Variants in SLC38A6 observed in about 807,000 individuals in gnomAD.
SLC38A6 encodes N system amino acid transporter NAT-1.
Under a neutral mutation model 65.0 loss-of-function variants are expected in SLC38A6, and 73 were observed. The ratio of observed to expected loss-of-function variants is 1.12; its 90% CI spans 0.93 to 1.37. The LOEUF is 1.37. Among genes scored for constraint, SLC38A6 ranks in the 40% most tolerant of loss-of-function variants. SLC38A6 has a pLI of 0.00. For missense variants in SLC38A6, 561 were observed against 531.1 expected, an observed-to-expected ratio of 1.06 and a Z score of -0.55; for synonymous variants, 183 against 178.8, an observed-to-expected ratio of 1.02 and a Z score of -0.19.
At chr14:61,071,402 C>T (rs2043219676) in intron 15 of SLC38A6, among the ~76,000 whole-genome samples, 1 of 152,042 alleles carries the variant, frequency 6.6e-6, no homozygotes, top group African/African-American at 2.4e-5. Context: ...ATTTTATTGG[C>T]TGGGCACAGT....
intron 3 of SLC38A6, among the ~76,000 whole-genome samples, chr14:61,012,013 T>C (rs1186583371): frequency 2.6e-5 from 4 of 152,234 alleles, no homozygotes; most frequent in Non-Finnish European, 5.9e-5. Flanking sequence ...CATCTGGTCC[T>C]GGACTTTTTT....
chr14:61,026,138 G>C (rs1033759425), intron 5 of SLC38A6, among the ~76,000 whole-genome samples: 6 of 152,046 alleles, frequency 3.9e-5, no homozygotes, highest in African/African-American at 1.2e-4. Flanking sequence ...ACTCCAATTA[G>C]GGTTGGTTTG....
At chr14:61,012,542 C>T (rs1214529560) in intron 3 of SLC38A6, among the ~76,000 whole-genome samples, 1 of 152,218 alleles carries the variant, frequency 6.6e-6, no homozygotes, top group East Asian at 1.9e-4. Flanking sequence ...GTTCCCTCTA[C>T]ACACTGCTTT....
chr14:60,994,600 A>T (rs2038139883), intron 3 of SLC38A6, among the ~76,000 whole-genome samples: 1 of 151,844 alleles, frequency 6.6e-6, no homozygotes, highest in Non-Finnish European at 1.5e-5. Context: ...GCTAGTTGGG[A>T]GGCTGAAGCA....
chr14:61,051,687 A>G (rs865880083), intron 13 of SLC38A6, 100 bp from the exon 14 acceptor site: 2 of 1,334,192 alleles, frequency 1.5e-6, no homozygotes, highest in Non-Finnish European at 2.1e-6. Context: ...TAAATGATGT[A>G]GGAGGCAAAA....
At chr14:60,990,655 T>C (rs975018202) in intron 3 of SLC38A6, among the ~76,000 whole-genome samples, 1 of 151,964 alleles carries the variant, frequency 6.6e-6, no homozygotes, top group Non-Finnish European at 1.5e-5. Flanking sequence ...TTTTTCGAGA[T>C]AGTGTCTTGC....
chr14:61,074,196 G>A (rs989246591), intron 15 of SLC38A6, among the ~76,000 whole-genome samples: 1 of 152,128 alleles, frequency 6.6e-6, no homozygotes, highest in African/African-American at 2.4e-5. Flanking sequence ...AAGGTCAACT[G>A]TAAATACATT....
chr14:61,008,024 T>C (rs1360547356), intron 3 of SLC38A6, among the ~76,000 whole-genome samples: 1 of 152,166 alleles, frequency 6.6e-6, no homozygotes, highest in Non-Finnish European at 1.5e-5. Context: ...GTTTTGTAAC[T>C]TAATTTTATG....
chr14:61,006,064 A>G (rs1030106622), intron 3 of SLC38A6, among the ~76,000 whole-genome samples: 6 of 152,198 alleles, frequency 3.9e-5, no homozygotes, highest in African/African-American at 1.2e-4. Flanking sequence ...CCTGAGAAAA[A>G]CAAGCAATGG....
In SLC38A6 at chr14:61,007,988, A is replaced by G. The variant is rs146596478; in HGVS notation, c.311-7916A>G. On this transcript the variant is annotated intron_variant, in intron 3 of 15. Coordinates refer to ENST00000267488, the MANE Select transcript of SLC38A6 (RefSeq NM_153811.3). The stretch of plus-strand genomic sequence containing the variant: ...AAAAAAAAGAATGTTGACATTTCAC[A>G]TAGTTGGAAAAAATTCTAGTTCTTA... Among the ~76,000 whole-genome samples the G allele has an allele frequency of 7.2e-3, 1,099 of 152,254 alleles. 7 individuals carry two copies. Among genetic ancestry groups the G allele is most frequent in the Middle Eastern group, 0.021 (6 of 292 alleles).
intron 4 of SLC38A6, among the ~76,000 whole-genome samples, chr14:61,018,775 T>A (rs2040173813): frequency 6.6e-6 from 1 of 152,218 alleles, no homozygotes; most frequent in Admixed American, 6.5e-5. Context: ...GGCTCAAATA[T>A]TTTTTATTTT....
chr14:61,015,779 T>C (rs1218801099), intron 3 of SLC38A6, 125 bp from the exon 4 acceptor site: 2 of 569,092 alleles, frequency 3.5e-6, no homozygotes, highest in African/African-American at 1.9e-5. Context: ...TTGTGTTTAG[T>C]CCTGATTGGC....
chr14:61,028,185 G>A (rs1297036093), intron 5 of SLC38A6, among the ~76,000 whole-genome samples: 1 of 152,040 alleles, frequency 6.6e-6, no homozygotes, highest in African/African-American at 2.4e-5. Flanking sequence ...ATTCACTGAA[G>A]CTTTCTACAG....
intron 15 of SLC38A6, among the ~76,000 whole-genome samples, chr14:61,057,812 T>C (rs2042755904): frequency 1.6e-5 from 2 of 122,852 alleles, no homozygotes; most frequent in African/African-American, 6.4e-5. Context: ...GTTATTGGTC[T>C]ATTCAGAGAT....
chr14:61,040,168 A>G (rs1197234692), intron 8 of SLC38A6, among the ~76,000 whole-genome samples: 1 of 151,756 alleles, frequency 6.6e-6, no homozygotes, highest in Non-Finnish European at 1.5e-5. Context: ...ATCCAGTTAG[A>G]CAACTTTTTT....
rs139547861 is a variant in SLC38A6, at chr14:61,037,123, G to T, written c.547G>T (p.Ala183Ser). 1.9e-5 allele frequency: 30 copies of T among 1,604,642 alleles called. No individual in the cohort carries two copies. The highest frequency in any genetic ancestry group is 1.9e-5 in the Non-Finnish European group (22 of 1,175,330). ...IICVGIVFPL[A>S]LLPKIGFLGY... Reference sequence around the variant, plus strand: ...ATGTGTTGGCATTGTGTTCCCTCTTGCACTTCTTCCCAAAATAGGTAAGTC... The same window carrying T: ...ATGTGTTGGCATTGTGTTCCCTCTTTCACTTCTTCCCAAAATAGGTAAGTC... Residue 183 changes from alanine to serine, a missense_variant, in exon 7 of 16, where the codon GCA becomes TCA. Ala to Ser is a moderately conservative substitution (Grantham distance 99). Transcript: ENST00000267488.
At position 61,083,617 on chromosome 14, in the gene SLC38A6, A is replaced by G. The variant is rs956326223; in HGVS notation, c.1471A>G (p.Asn491Asp). ...CCACGCAAGGACACAGCAAGAAGGC[A>G]ACTGTTTACAAGCCAAGGGAAGAGG... Residue 491 changes from asparagine to aspartate, a missense_variant, in exon 17 of 17, where the codon AAC (asparagine) becomes GAC (aspartate). Coordinates refer to the SLC38A6 transcript ENST00000354886. 10 of 1,550,442 alleles carry G rather than the reference A, an allele frequency of 6.4e-6. No homozygotes were observed. In the Admixed American group the frequency reaches 1.8e-4, roughly 27 times the overall value.
At chr14:61,014,936 G>C (rs779717412) in intron 3 of SLC38A6, among the ~76,000 whole-genome samples, 1 of 152,168 alleles carries the variant, frequency 6.6e-6, no homozygotes, top group Non-Finnish European at 1.5e-5. Flanking sequence ...TTTAAGTCTG[G>C]ACAGGTTTCT....
chr14:61,054,441 T>C (rs935621659), downstream of SLC38A6, among the ~76,000 whole-genome samples: 4 of 152,230 alleles, frequency 2.6e-5, no homozygotes, highest in African/African-American at 9.6e-5. Flanking sequence ...AGGAATAGCA[T>C]TGAATCTGTA....
Sources: gnomAD v4.1 joint callset for allele counts (sites outside exome capture counted in the v4.1 genomes callset) on GRCh38, gnomAD v4.1.1 for gene constraint, MANE v1.5 for transcripts, NCBI Gene and HGNC (gene_info 2026-07-23, HGNC 2026-07-21) for gene names.